ACSL6: variants seen among roughly 807,000 people sequenced by gnomAD.
ACSL6 encodes acyl-CoA synthetase long chain family member 6.
A neutral mutation model predicts 98.2 loss-of-function variants in ACSL6; 47 were observed. The ratio of observed to expected loss-of-function variants is 0.48; its 90% CI spans 0.38 to 0.61. ACSL6 has a LOEUF of 0.61. ACSL6 is among the 20% of genes least tolerant of loss of function. The probability of loss-of-function intolerance (pLI) is 0.00; values close to 1 mark genes in which losing one functional copy is unlikely to be tolerated. For missense variants in ACSL6, 761 were observed against 913.4 expected (o/e 0.83, Z 2.15); for synonymous variants, 362 against 336.9 (o/e 1.07, Z -0.82).
At chr5:131,961,288 G>C (rs1752692129) in intron 18 of ACSL6, among the ~76,000 whole-genome samples, 1 of 152,084 alleles carries the variant, frequency 6.6e-6, no homozygotes, top group African/African-American at 2.4e-5. Flanking sequence ...GTCTCCCAAA[G>C]TGTTGGGATT....
intron 1 of ACSL6, among the ~76,000 whole-genome samples, chr5:131,995,406 T>C (rs1754747293): frequency 6.6e-6 from 1 of 152,132 alleles, no homozygotes; most frequent in Admixed American, 6.5e-5. Context: ...GACCCCCTCA[T>C]GTCACTGCCT....
chr5:131,976,565 A>G, intron 10 of ACSL6, 83 bp downstream of exon 10: 2 of 1,250,300 alleles, frequency 1.6e-6, no homozygotes, highest in Non-Finnish European at 2.3e-6. Flanking sequence ...AAAGAAAAAG[A>G]AAACAAACAA....
chr5:131,963,714 G>C (rs917891187), intron 17 of ACSL6, among the ~76,000 whole-genome samples: 5 of 151,980 alleles, frequency 3.3e-5, no homozygotes, highest in Admixed American at 3.3e-4. Flanking sequence ...TTTCTGACTG[G>C]ACTTCTGCAC....
At chr5:131,989,274 G>A in intron 5 of ACSL6, 133 bp downstream of exon 5, 3 of 854,288 alleles carry the variant, frequency 3.5e-6, no homozygotes, top group East Asian at 2.4e-5. Context: ...GGGAAGAGGA[G>A]TGGTGGCATA....
At chr5:131,974,816 C>A (rs1753527834) in intron 11 of ACSL6, 77 bp downstream of exon 11, 2 of 1,613,324 alleles carry the variant, frequency 1.2e-6, no homozygotes, top group African/African-American at 1.3e-5. Context: ...CACATCCGCA[C>A]AAGTGGGAGC....
chr5:131,956,616 T>A (rs1752421955), intron 20 of ACSL6, among the ~76,000 whole-genome samples: 1 of 152,108 alleles, frequency 6.6e-6, no homozygotes, highest in Non-Finnish European at 1.5e-5. Flanking sequence ...GACTAAAAAA[T>A]ATAGGCAGTA....
At chr5:131,986,563 G>T (rs528143542) in intron 8 of ACSL6, among the ~76,000 whole-genome samples, 1 of 152,308 alleles carries the variant, frequency 6.6e-6, no homozygotes, top group South Asian at 2.1e-4. Context: ...ACTTCCCAAA[G>T]AAGTTACTTG....
At chr5:131,976,249 C>G in intron 10 of ACSL6, 1 of 982,808 alleles carries the variant, frequency 1.0e-6, no homozygotes, top group Non-Finnish European at 1.2e-6. Context: ...TCCTTAAACA[C>G]AAAATGACTG....
intron 15 of ACSL6, among the ~76,000 whole-genome samples, chr5:131,969,147 C>T (rs1753171161): frequency 6.6e-6 from 1 of 152,208 alleles, no homozygotes; most frequent in East Asian, 1.9e-4. Context: ...CTTTCCAAGC[C>T]TGGGGCCACT....
chr5:132,004,219 CTTTT>C (rs1038116980), intron 1 of ACSL6, among the ~76,000 whole-genome samples: 1 of 138,976 alleles, frequency 7.2e-6, no homozygotes. Context: ...GGCTTCTATC[CTTTT>C]TTTTTTTTTT....
chr5:131,998,073 C>A (rs1754883993), intron 1 of ACSL6, among the ~76,000 whole-genome samples: 1 of 152,188 alleles, frequency 6.6e-6, no homozygotes, highest in Non-Finnish European at 1.5e-5. Context: ...GACCTCCACA[C>A]CTCTCTTTTG....
chr5:131,989,583 CTTTTTTTTTTTT>C (rs57391438), intron 4 of ACSL6, 75 bp from the exon 5 acceptor site: 58 of 180,630 alleles, frequency 3.2e-4, no homozygotes, highest in South Asian at 7.4e-4. Context: ...AGGAGGAATT[CTTTTTTTTTTTT>C]TTTTTTTTTT....
chr5:131,971,537 A>G lies in ACSL6; in HGVS notation c.1434+13T>C, dbSNP rs1753306789. On this transcript the variant is annotated intron_variant, in intron 14 of 20. Coordinates refer to ENST00000651883, the MANE Select transcript of ACSL6 (RefSeq NM_001009185.3). ...TCCTGCTGTTTCCAAGGGAGGACACACAATGACAATACCTGGCACCCTAGA... is the reference window on the plus strand; with the variant it reads ...TCCTGCTGTTTCCAAGGGAGGACACGCAATGACAATACCTGGCACCCTAGA... 1 of 1,591,852 alleles carries G rather than the reference A, an allele frequency of 6.3e-7. No individual in the cohort carries two copies. The highest frequency in any genetic ancestry group is 1.7e-5 in the Admixed American group (1 of 58,432).
intron 9 of ACSL6, chr5:131,984,389 C>T (rs1754059211): frequency 6.6e-6 from 1 of 152,220 alleles, no homozygotes; most frequent in Non-Finnish European, 1.5e-5. Flanking sequence ...CAAGATGGGC[C>T]AATCCTCAGT....
chr5:131,991,966 T>A (rs1754547163), intron 2 of ACSL6, among the ~76,000 whole-genome samples: 1 of 152,088 alleles, frequency 6.6e-6, no homozygotes, highest in African/African-American at 2.4e-5. Context: ...CTGGGACACA[T>A]CCAATCAGAC....
intron 15 of ACSL6, among the ~76,000 whole-genome samples, chr5:131,968,553 C>G (rs1432640158): frequency 1.3e-5 from 2 of 152,092 alleles, no homozygotes; most frequent in Non-Finnish European, 2.9e-5. Context: ...CTTACAGGCA[C>G]CAAGGCGATG....
chr5:131,955,504 A>C (rs926301643), intron 20 of ACSL6, among the ~76,000 whole-genome samples: 6 of 152,200 alleles, frequency 3.9e-5, no homozygotes, highest in Non-Finnish European at 7.3e-5. Context: ...TAGTGCACTG[A>C]GAACTAGGTG....
At chr5:131,958,289 A>C (rs1752524243) in intron 20 of ACSL6, among the ~76,000 whole-genome samples, 1 of 152,190 alleles carries the variant, frequency 6.6e-6, no homozygotes, top group Non-Finnish European at 1.5e-5. Context: ...CAGCCCTTCA[A>C]ATCCACGTAG....
intron 10 of ACSL6, 98 bp downstream of exon 10, chr5:131,976,550 A>G: frequency 1.7e-6 from 2 of 1,173,578 alleles, no homozygotes; most frequent in Non-Finnish European, 2.4e-6. Flanking sequence ...TCAAGAAAAA[A>G]AAAAAAAGAA....
Sources: allele counts gnomAD v4.1 joint callset (sites outside exome capture counted in the v4.1 genomes callset), GRCh38; gene constraint gnomAD v4.1.1; transcripts MANE v1.5; gene names NCBI Gene and HGNC (gene_info 2026-07-23, HGNC 2026-07-21).